Variants in LYN observed in about 807,000 individuals in gnomAD.
The protein encoded by LYN is LYN proto-oncogene, Src family tyrosine kinase, also known as tyrosine-protein kinase Lyn.
A neutral mutation model predicts 65.0 loss-of-function variants in LYN; 12 were observed. That is an observed-to-expected ratio of 0.18 (90% CI 0.12 to 0.30). The LOEUF (loss-of-function observed/expected upper bound fraction) is 0.30, where lower values mean the gene tolerates loss of function less well. LYN is among the 10% of genes least tolerant of loss of function. The pLI, the probability that LYN is intolerant of heterozygous loss-of-function variation, is 1.00. For synonymous variants in LYN, 222 were observed against 221.2 expected (o/e 1.00, Z -0.03); for missense variants, 380 against 623.2 (o/e 0.61, Z 4.16).
intron 10 of LYN, among the ~76,000 whole-genome samples, chr8:55,974,561 G>C (rs1305697513): frequency 6.6e-6 from 1 of 152,184 alleles, no homozygotes; most frequent in African/African-American, 2.4e-5. Flanking sequence ...AGATTGGGAA[G>C]CCCTTGTAAT....
chr8:55,884,250 A>G (rs1449729909), intron 1 of LYN, among the ~76,000 whole-genome samples: 2 of 152,102 alleles, frequency 1.3e-5, no homozygotes, highest in African/African-American at 4.8e-5. Context: ...ACTTACAAGC[A>G]TGTGCCACCA....
intron 9 of LYN, among the ~76,000 whole-genome samples, chr8:55,968,367 T>C (rs1807519248): frequency 6.6e-6 from 1 of 152,184 alleles, no homozygotes; most frequent in South Asian, 2.1e-4. Context: ...GTGATTCTCC[T>C]GCCTCAGCCT....
At chr8:55,996,494 C>G (rs978551245) in intron 10 of LYN, among the ~76,000 whole-genome samples, 1 of 152,210 alleles carries the variant, frequency 6.6e-6, no homozygotes, top group Non-Finnish European at 1.5e-5. Context: ...AGAGTTTTCT[C>G]TAACTGCTTA....
intron 10 of LYN, among the ~76,000 whole-genome samples, chr8:55,981,221 GAA>G (rs1371830971): frequency 4.6e-5 from 7 of 152,102 alleles, no homozygotes; most frequent in African/African-American, 1.7e-4. Flanking sequence ...CCTTCCTTCT[GAA>G]GCAGTTCCAT....
chr8:55,994,891 G>T (rs182695666), intron 10 of LYN, among the ~76,000 whole-genome samples: 216 of 152,252 alleles, frequency 1.4e-3, no homozygotes, highest in Non-Finnish European at 2.7e-3. Context: ...ACCAACTCTG[G>T]TCTGTTTGAG....
At position 55,986,133 on chromosome 8, in the gene LYN, C is replaced by T. The variant is rs377361828; in HGVS notation, c.1051-12213C>T. Among the ~76,000 whole-genome samples, 17 of 151,944 alleles carry T rather than the reference C, an allele frequency of 1.1e-4. No homozygotes were observed. In the East Asian group the frequency reaches 2.5e-3, roughly 22 times the overall value. The stretch of plus-strand genomic sequence containing the variant: ...GCAGTGAGCTGTGATCCTGCCACTG[C>T]TCTCTGTCCTGGGCAACAGAGACCC... On this transcript the variant is annotated intron_variant, in intron 10 of 12. Coordinates refer to ENST00000519728, the MANE Select transcript of LYN (RefSeq NM_002350.4).
chr8:55,904,115 G>A (rs1412403671), intron 1 of LYN, among the ~76,000 whole-genome samples: 1 of 151,986 alleles, frequency 6.6e-6, no homozygotes, highest in African/African-American at 2.4e-5. Flanking sequence ...TAAACAATGA[G>A]GTAGAATGAC....
In LYN at chr8:55,950,547, G is replaced by A. The variant is rs556383645; in HGVS notation, c.373G>A (p.Glu125Lys). ...CTATGTGGCCAAACTCAACACCTTA[G>A]AAACAGAAGAGTGAGTCCTCATGTG... ...SNYVAKLNTL[E>K]TEEWFFKDIT... The change falls in exon 5 of 13, where the codon GAA (glutamate) becomes AAA (lysine). Residue 125 changes from glutamate (E) to lysine (K), a missense_variant. Glu to Lys is a moderately conservative substitution (Grantham distance 56). Coordinates refer to ENST00000519728, the MANE Select transcript of LYN (RefSeq NM_002350.4). 1 of 1,613,578 alleles carries A rather than the reference G, an allele frequency of 6.2e-7. No homozygotes were observed. Among genetic ancestry groups the A allele is most frequent in the South Asian group, 1.1e-5 (1 of 90,920 alleles).
At position 55,894,757 on chromosome 8, in the gene LYN, A is replaced by C. The variant is rs573598405; in HGVS notation, c.-6+14654A>C. 4.0e-5 allele frequency among the ~76,000 whole-genome samples: 6 copies of C among 150,858 alleles called. No individual in the cohort carries two copies. The East Asian group carries it at 1.2e-3, about 30-fold the overall frequency. On this transcript the variant is annotated intron_variant, in intron 1 of 12. Coordinates refer to ENST00000519728, the MANE Select transcript of LYN (RefSeq NM_002350.4). ...GCCGTGTTGGCCAGGCTGGTCTCAA[A>C]CTCCTGATCTCAGGTGATCCACCCG...
intron 1 of LYN, among the ~76,000 whole-genome samples, chr8:55,929,601 A>C (rs924713832): frequency 4.6e-5 from 7 of 152,234 alleles, no homozygotes; most frequent in Non-Finnish European, 1.0e-4. Flanking sequence ...CCTGGCATGA[A>C]GCTTTCATAA....
At chr8:55,943,433 G>A (rs984732371) in intron 2 of LYN, among the ~76,000 whole-genome samples, 8 of 151,858 alleles carry the variant, frequency 5.3e-5, no homozygotes, top group African/African-American at 7.3e-5. Context: ...AAAATTAGCC[G>A]GGTGTGGTGG....
At chr8:55,980,206 A>G (rs947635286) in intron 10 of LYN, 3 of 151,232 alleles carry the variant, frequency 2.0e-5, no homozygotes, top group Admixed American at 6.6e-5. Context: ...TCTCATCTGC[A>G]CTATTGCAGT....
intron 2 of LYN, among the ~76,000 whole-genome samples, chr8:55,944,901 A>C (rs1056662487): frequency 6.6e-6 from 1 of 152,234 alleles, no homozygotes; most frequent in Non-Finnish European, 1.5e-5. Context: ...TTAAAAATCA[A>C]GTTAGAAAGC....
intron 1 of LYN, among the ~76,000 whole-genome samples, chr8:55,880,606 G>A (rs1351758289): frequency 6.6e-6 from 1 of 152,194 alleles, no homozygotes; most frequent in Non-Finnish European, 1.5e-5. Context: ...GGGCTCGGCC[G>A]GCGCCCTCTC....
intron 1 of LYN, among the ~76,000 whole-genome samples, chr8:55,888,583 G>A (rs1804866168): frequency 6.6e-6 from 1 of 152,226 alleles, no homozygotes; most frequent in Non-Finnish European, 1.5e-5. Flanking sequence ...CTTCTCTAGA[G>A]ATTAATTTGA....
chr8:55,888,936 C>CA (rs1804877144), intron 1 of LYN, among the ~76,000 whole-genome samples: 1 of 152,186 alleles, frequency 6.6e-6, no homozygotes, highest in Admixed American at 6.5e-5. Flanking sequence ...TTCAGAACCA[C>CA]ACTGGCTTTT....
chr8:55,952,421 A>C (rs1222329717), intron 7 of LYN, among the ~76,000 whole-genome samples: 1 of 152,016 alleles, frequency 6.6e-6, no homozygotes, highest in Admixed American at 6.6e-5. Flanking sequence ...TTAGCCAGGC[A>C]TAGTGGTGCG....
intron 9 of LYN, among the ~76,000 whole-genome samples, chr8:55,967,935 A>G (rs971341871): frequency 6.6e-6 from 1 of 152,272 alleles, no homozygotes; most frequent in Admixed American, 6.5e-5. Context: ...ATTAACAATC[A>G]TCTCATGCAC....
At chr8:55,989,295 G>T (rs974231061) in intron 10 of LYN, among the ~76,000 whole-genome samples, 18 of 152,210 alleles carry the variant, frequency 1.2e-4, no homozygotes, top group African/African-American at 3.9e-4. Flanking sequence ...CATTATTTGA[G>T]CTCTGCTTGG....
Sources: gnomAD v4.1 joint callset for allele counts (sites outside exome capture counted in the v4.1 genomes callset) on GRCh38, gnomAD v4.1.1 for gene constraint, MANE v1.5 for transcripts, NCBI Gene and HGNC (gene_info 2026-07-23, HGNC 2026-07-21) for gene names.